The following SHISA6 variants were observed in gnomAD, a reference collection of about 807,000 sequenced individuals.
The protein encoded by SHISA6 is protein shisa-6.
Under a neutral mutation model 47.9 loss-of-function variants are expected in SHISA6, and 22 were observed. The observed-to-expected ratio is 0.46, with a 90% confidence interval of 0.33 to 0.66. The LOEUF (loss-of-function observed/expected upper bound fraction) is 0.66. Ranked by LOEUF, SHISA6 falls within the 30% of genes least tolerant of loss-of-function variation. The pLI, the probability that SHISA6 is intolerant of heterozygous loss-of-function variation, is 0.02. For missense variants in SHISA6, 680 were observed against 764.6 expected (o/e 0.89, Z 1.30); for synonymous variants, 388 against 337.8 (o/e 1.15, Z -1.63).
intron 2 of SHISA6, among the ~76,000 whole-genome samples, chr17:11,329,447 A>G (rs913180813): frequency 6.6e-6 from 1 of 152,224 alleles, no homozygotes; most frequent in African/African-American, 2.4e-5. Flanking sequence ...CATAGTTTCC[A>G]GATAACTGGG....
intron 3 of SHISA6, among the ~76,000 whole-genome samples, chr17:11,396,115 A>C (rs1913564176): frequency 6.6e-6 from 1 of 152,238 alleles, no homozygotes; most frequent in Non-Finnish European, 1.5e-5. Context: ...GAATTTTGTC[A>C]AAAGCTTTTT....
At chr17:11,539,905 A>G (rs1283457093) in intron 3 of SHISA6, among the ~76,000 whole-genome samples, 3 of 152,228 alleles carry the variant, frequency 2.0e-5, no homozygotes, top group Non-Finnish European at 4.4e-5. Flanking sequence ...GAGAGGAGAT[A>G]TGATCAGTTG....
At chr17:11,497,116 C>T (rs2071415725) in intron 3 of SHISA6, among the ~76,000 whole-genome samples, 1 of 151,866 alleles carries the variant, frequency 6.6e-6, no homozygotes, top group African/African-American at 2.4e-5. Flanking sequence ...TCCTGAGGAC[C>T]AGCTCTGCTA....
At position 11,532,207 on chromosome 17, in the gene SHISA6, G is replaced by A. The variant is rs373754239; in HGVS notation, c.896-19689G>A. Reference sequence around the variant, plus strand: ...GGCTCTGAACTGCGGTGTAAGTGGTGCAAGAATTAGGGAAGAAATAGGCAC... The same window carrying A: ...GGCTCTGAACTGCGGTGTAAGTGGTACAAGAATTAGGGAAGAAATAGGCAC... On this transcript the variant is annotated intron_variant, in intron 3 of 5. Transcript: ENST00000441885. Among the ~76,000 whole-genome samples, 7 of 152,212 alleles carry A rather than the reference G, an allele frequency of 4.6e-5. No homozygotes were observed. The East Asian group carries it at 1.3e-3, about 29-fold the overall frequency.
At chr17:11,374,788 A>G (rs1214019281) in intron 2 of SHISA6, among the ~76,000 whole-genome samples, 2 of 151,966 alleles carry the variant, frequency 1.3e-5, no homozygotes, top group Non-Finnish European at 2.9e-5. Flanking sequence ...CTTAAGTAAT[A>G]CTAGTACTAC....
intron 3 of SHISA6, among the ~76,000 whole-genome samples, chr17:11,388,541 T>G (rs1188638960): frequency 6.6e-6 from 1 of 151,928 alleles, no homozygotes; most frequent in Non-Finnish European, 1.5e-5. Flanking sequence ...ACGGAGAACC[T>G]GTCATTGCCT....
intron 3 of SHISA6, among the ~76,000 whole-genome samples, chr17:11,457,029 C>T (rs146405848): frequency 6.1e-4 from 93 of 152,260 alleles, no homozygotes; most frequent in African/African-American, 2.1e-3. Context: ...GCCGTATGCT[C>T]CCTTGATATT....
intron 3 of SHISA6, among the ~76,000 whole-genome samples, chr17:11,396,581 T>A (rs774060370): frequency 1.3e-5 from 2 of 152,184 alleles, no homozygotes; most frequent in East Asian, 3.9e-4. Flanking sequence ...TCCACGACGG[T>A]TGAACTAATT....
At chr17:11,323,931 T>C (rs1218265624) in intron 2 of SHISA6, among the ~76,000 whole-genome samples, 1 of 152,104 alleles carries the variant, frequency 6.6e-6, no homozygotes, top group African/African-American at 2.4e-5. Flanking sequence ...TCATTTACTT[T>C]TTGCTGCAGC....
At chr17:11,257,716 G>A (rs1908071979) in intron 1 of SHISA6, among the ~76,000 whole-genome samples, 1 of 151,586 alleles carries the variant, frequency 6.6e-6, no homozygotes, top group African/African-American at 2.4e-5. Flanking sequence ...AGGCAGGAAG[G>A]GAAGAAAGAG....
At position 11,343,023 on chromosome 17, in the gene SHISA6, C is replaced by G. The variant is rs571731631; in HGVS notation, c.800-36391C>G. ...GTGCATGCGGCAGAAAGTGGAAACA[C>G]AGGGACTGACTTGGGGTGGTGGCTT... is the stretch of plus-strand genomic sequence containing the variant. On this transcript the variant is annotated intron_variant, in intron 2 of 5. Transcript: ENST00000441885. Among the ~76,000 whole-genome samples, 4 of 152,310 alleles carry G rather than the reference C, an allele frequency of 2.6e-5. No individual in the cohort carries two copies. In the Middle Eastern group the frequency reaches 0.01, roughly 389 times the overall value.
chr17:11,434,965 ATGTTG>A (rs1355786890), intron 3 of SHISA6, among the ~76,000 whole-genome samples: 1 of 152,196 alleles, frequency 6.6e-6, no homozygotes. Context: ...CAAAATTCAT[ATGTTG>A]AAGTCCTAAC....
intron 3 of SHISA6, among the ~76,000 whole-genome samples, chr17:11,497,294 C>T (rs1047359830): frequency 5.9e-5 from 9 of 152,136 alleles, no homozygotes; most frequent in Admixed American, 2.0e-4. Context: ...TTTCAAGTGC[C>T]GTGATTTTCA....
intron 3 of SHISA6, among the ~76,000 whole-genome samples, chr17:11,440,857 G>A (rs898799035): frequency 2.0e-5 from 3 of 151,882 alleles, no homozygotes; most frequent in East Asian, 1.9e-4. Context: ...TCCCAGCCAT[G>A]CTCTTCTTAC....
At position 11,562,557 on chromosome 17, in the gene SHISA6, T is replaced by A. The variant is rs1042525881; in HGVS notation, c.*4253T>A. ...TGTCTTCCTGGGCTCTATATTTGAT[T>A]TTGGAAGGCAGCATACTCTAGGAGA... On this transcript the variant is annotated 3_prime_UTR_variant, in exon 6 of 6. Coordinates refer to ENST00000441885, the MANE Select transcript of SHISA6 (RefSeq NM_207386.4). 1 of 152,158 alleles carries A rather than the reference T, an allele frequency of 6.6e-6. No homozygotes were observed. Among genetic ancestry groups the A allele is most frequent in the African/African-American group, 2.4e-5 (1 of 41,446 alleles). 9.4% of individuals were successfully genotyped at this position (152,158 alleles called of 1,614,324 possible). A position where few individuals can be genotyped will look rare whatever the true frequency, so the allele number is the denominator to read the frequency against.
intron 3 of SHISA6, among the ~76,000 whole-genome samples, chr17:11,539,996 G>A (rs2071819811): frequency 6.6e-6 from 1 of 152,156 alleles, no homozygotes; most frequent in Non-Finnish European, 1.5e-5. Flanking sequence ...GACAAAATCA[G>A]AGAATTGTTA....
intron 3 of SHISA6, among the ~76,000 whole-genome samples, chr17:11,434,649 G>A (rs1051518183): frequency 6.6e-6 from 1 of 152,066 alleles, no homozygotes; most frequent in Admixed American, 6.5e-5. Flanking sequence ...TTTTCTCTAG[G>A]TACAAGAGAG....
intron 2 of SHISA6, among the ~76,000 whole-genome samples, chr17:11,349,252 G>A (rs1446281258): frequency 6.6e-6 from 1 of 152,132 alleles, no homozygotes; most frequent in Non-Finnish European, 1.5e-5. Flanking sequence ...CAACAAAAGA[G>A]GGCCTGACCT....
At chr17:11,360,143 AG>A (rs1402856716) in intron 2 of SHISA6, among the ~76,000 whole-genome samples, 1 of 152,254 alleles carries the variant, frequency 6.6e-6, no homozygotes, top group African/African-American at 2.4e-5. Flanking sequence ...AGCCACAAAA[AG>A]GATGAGTTCA....
Sources: allele counts gnomAD v4.1 joint callset (sites outside exome capture counted in the v4.1 genomes callset), GRCh38; gene constraint gnomAD v4.1.1; transcripts MANE v1.5; gene names NCBI Gene and HGNC (gene_info 2026-07-23, HGNC 2026-07-21).